Variants in GDAP2 observed in about 807,000 individuals in gnomAD.
The protein encoded by GDAP2 is ganglioside-induced differentiation-associated protein 2.
A neutral mutation model predicts 67.0 loss-of-function variants in GDAP2; 51 were observed. The observed-to-expected ratio is 0.76, with a 90% CI of 0.61 to 0.96. GDAP2 has a LOEUF of 0.96. Ranked by LOEUF, GDAP2 falls within the 40% of genes least tolerant of loss-of-function variation. GDAP2 has a pLI of 0.00. For missense variants in GDAP2, 547 were observed against 588.3 expected (o/e 0.93, Z 0.73); for synonymous variants, 203 against 207.3 (o/e 0.98, Z 0.18).
At chr1:117,914,293 G>A (rs1649970307) in intron 3 of GDAP2, among the ~76,000 whole-genome samples, 2 of 152,116 alleles carry the variant, frequency 1.3e-5, no homozygotes, top group Non-Finnish European at 2.9e-5. Context: ...AAACTATTCA[G>A]AGAACAGGAA....
chr1:117,865,870 T>C lies in GDAP2; in HGVS notation c.*4699A>G, dbSNP rs1020759599. 6.6e-6 allele frequency: 1 copy of C among 152,242 alleles called. No individual in the cohort carries two copies. Among genetic ancestry groups the C allele is most frequent in the Non-Finnish European group, 1.5e-5 (1 of 68,042 alleles). The allele number at this position is 152,242 out of a possible 1,614,324, so 9.4% of individuals were successfully genotyped here. A position where few individuals can be genotyped will look rare whatever the true frequency, so the allele number is the denominator to read the frequency against. On this transcript the variant is annotated 3_prime_UTR_variant, in exon 14 of 14. Transcript: ENST00000369443. Reference sequence around the variant, plus strand: ...TTGATACCATCTGTTTAAGGACTAGTTCAGTAAGACTCAAAGATTGAACTA... The same window carrying C: ...TTGATACCATCTGTTTAAGGACTAGCTCAGTAAGACTCAAAGATTGAACTA...
At position 117,866,624 on chromosome 1, in the gene GDAP2, T is replaced by C. The variant is rs4659349; in HGVS notation, c.*3945A>G. On this transcript the variant is annotated 3_prime_UTR_variant, in exon 14 of 14. Transcript: ENST00000369443. ...AATCTGGCACTTTGAGAAGCCAAGGTGGGCAGATCACCTGAGGTCAGGAAT... is the reference window on the plus strand; with the variant it reads ...AATCTGGCACTTTGAGAAGCCAAGGCGGGCAGATCACCTGAGGTCAGGAAT... 50,835 of 151,914 alleles carry C rather than the reference T, an allele frequency of 0.33. 10,026 individuals carry two copies. Among genetic ancestry groups the C allele is most frequent in the Non-Finnish European group, 0.44 (29,902 of 67,954 alleles). The allele number at this position is 151,914 out of a possible 1,614,324, so 9.4% of individuals were successfully genotyped here.
intron 1 of GDAP2, 45 bp downstream of exon 1, chr1:117,929,403 C>G (rs758708889): frequency 6.5e-6 from 1 of 153,304 alleles, no homozygotes; most frequent in Non-Finnish European, 1.5e-5. Flanking sequence ...CGCCCCCGGC[C>G]CTCTCCGCCC....
At chr1:117,877,200 T>G (rs1648491224) in intron 13 of GDAP2, 1 of 717,986 alleles carries the variant, frequency 1.4e-6, no homozygotes, top group Non-Finnish European at 1.7e-6. Context: ...ATAGCTAAAG[T>G]TAGAGAAATG....
Position 117,869,866 on chromosome 1 carries a change from T to C in GDAP2, c.*703A>G, listed in dbSNP as rs527448957. 1.3e-5 allele frequency: 2 copies of C among 152,380 alleles called. No homozygotes were observed. Among genetic ancestry groups the C allele is most frequent in the South Asian group, 2.1e-4 (1 of 4,814 alleles). The allele number at this position is 152,380 out of a possible 1,614,324, so 9.4% of individuals were successfully genotyped here. A position where few individuals can be genotyped will look rare whatever the true frequency, so the allele number is the denominator to read the frequency against. ...AATAAGACCAAATCATCCATGATTATAGGAAAAAGGCTGAAGATACAGTCT... is the reference window on the plus strand; with the variant it reads ...AATAAGACCAAATCATCCATGATTACAGGAAAAAGGCTGAAGATACAGTCT... On this transcript the variant is annotated 3_prime_UTR_variant, in exon 14 of 14. Transcript: ENST00000369443.
rs111439310 is a variant in GDAP2 at position 117,883,272 on chromosome 1, T to C, written c.1247+216A>G. On this transcript the variant is annotated intron_variant, in intron 11 of 13. Transcript: ENST00000369443. ...ATTTTTGTTATTTTATCCACAAAGA[T>C]TGGTAATGTAAAAAGTTTACATATG... The C allele has an allele frequency of 5.0e-5, 22 of 444,020 alleles. No individual in the cohort carries two copies. The South Asian group carries it at 5.1e-4, about 10-fold the overall frequency. The allele number at this position is 444,020 out of a possible 1,614,324, so 27.5% of individuals were successfully genotyped here.
chr1:117,877,358 T>TA, intron 13 of GDAP2: 17 of 983,390 alleles, frequency 1.7e-5, no homozygotes, highest in Non-Finnish European at 2.1e-5. Context: ...CAGCAACAGT[T>TA]AAACAATCAG....
chr1:117,898,915 A>C, intron 7 of GDAP2, 142 bp downstream of exon 7: 8 of 664,066 alleles, frequency 1.2e-5, no homozygotes, highest in Non-Finnish European at 1.9e-5. Flanking sequence ...TAGAACTTGA[A>C]AACTTCTAAA....
At chr1:117,904,314 T>C (rs55845068) in intron 6 of GDAP2, among the ~76,000 whole-genome samples, 5,775 of 152,208 alleles carry the variant, frequency 0.038, 229 homozygotes, top group African/African-American at 0.094. Flanking sequence ...ATATGGTATT[T>C]TCATTCAGTC....
intron 6 of GDAP2, among the ~76,000 whole-genome samples, chr1:117,906,107 TCA>T (rs1330859100): frequency 3.3e-5 from 5 of 152,266 alleles, no homozygotes; most frequent in Admixed American, 3.3e-4. Flanking sequence ...CACATAAACC[TCA>T]CAGTGCCAGC....
chr1:117,894,984 G>A (rs532781472), intron 8 of GDAP2, among the ~76,000 whole-genome samples: 2 of 152,140 alleles, frequency 1.3e-5, no homozygotes, highest in East Asian at 3.9e-4. Flanking sequence ...AATGAAATGT[G>A]TCAATACTTG....
At chr1:117,917,595 A>T (rs1347267017) in intron 3 of GDAP2, among the ~76,000 whole-genome samples, 3 of 152,238 alleles carry the variant, frequency 2.0e-5, no homozygotes, top group African/African-American at 7.2e-5. Flanking sequence ...GCTCAGACTC[A>T]GAGGTGAAGT....
intron 3 of GDAP2, among the ~76,000 whole-genome samples, 182 bp downstream of exon 3, chr1:117,918,415 C>A (rs1650122202): frequency 6.6e-6 from 1 of 152,158 alleles, no homozygotes; most frequent in Non-Finnish European, 1.5e-5. Context: ...CAGTTTTTAA[C>A]ACATTTCAAA....
chr1:117,910,157 T>G (rs1475887100), intron 5 of GDAP2, among the ~76,000 whole-genome samples: 1 of 152,114 alleles, frequency 6.6e-6, no homozygotes, highest in Non-Finnish European at 1.5e-5. Flanking sequence ...TAATGAATCA[T>G]CTAGTATAAC....
At chr1:117,929,233 C>T (rs561807138) in intron 1 of GDAP2, among the ~76,000 whole-genome samples, 1 of 152,352 alleles carries the variant, frequency 6.6e-6, no homozygotes, top group Admixed American at 6.5e-5. Context: ...ACTGCCCACC[C>T]TTTCACTTCT....
intron 8 of GDAP2, among the ~76,000 whole-genome samples, chr1:117,891,855 T>C (rs79178857): frequency 0.011 from 1,749 of 152,278 alleles, 33 homozygotes; most frequent in African/African-American, 0.04. Flanking sequence ...TCAGAATTTT[T>C]AAAAATTTAA....
chr1:117,874,085 T>C (rs776941793), intron 13 of GDAP2, among the ~76,000 whole-genome samples: 6 of 152,214 alleles, frequency 3.9e-5, no homozygotes, highest in Non-Finnish European at 7.3e-5. Context: ...CACTAATATG[T>C]AAAGTTACTG....
At chr1:117,886,430 AG>A (rs1272616346) in intron 10 of GDAP2, 146 bp downstream of exon 10, 2 of 572,500 alleles carry the variant, frequency 3.5e-6, no homozygotes, top group Admixed American at 6.0e-5. Context: ...GAAATGATAC[AG>A]GTCCACTCAT....
chr1:117,891,510 G>A (rs557989209), intron 8 of GDAP2, among the ~76,000 whole-genome samples: 12 of 152,208 alleles, frequency 7.9e-5, no homozygotes, highest in Non-Finnish European at 4.4e-5. Flanking sequence ...GGTCAGTAAT[G>A]AGGTTGAGAT....
Sources: gnomAD v4.1 joint callset for allele counts (sites outside exome capture counted in the v4.1 genomes callset) on GRCh38, gnomAD v4.1.1 for gene constraint, MANE v1.5 for transcripts, NCBI Gene and HGNC (gene_info 2026-07-23, HGNC 2026-07-21) for gene names.